Variants in EPHA3 observed in about 807,000 individuals in gnomAD.
EPHA3 encodes ephrin type-A receptor 3.
EPHA3 carries 42 observed loss-of-function variants against 107.1 expected under a neutral mutation model. The observed-to-expected ratio is 0.39, with a 90% CI of 0.31 to 0.51. The LOEUF (loss-of-function observed/expected upper bound fraction) is 0.51, where lower values mean the gene tolerates loss of function less well. Among genes scored for constraint, EPHA3 ranks in the 20% least tolerant of loss-of-function variants. The probability of loss-of-function intolerance (pLI) is 0.78; values close to 1 mark genes in which losing one functional copy is unlikely to be tolerated. For missense variants in EPHA3, 1,183 were observed against 1,211.2 expected (o/e 0.98, Z 0.35); for synonymous variants, 461 against 424.8 (o/e 1.09, Z -1.05).
intron 3 of EPHA3, among the ~76,000 whole-genome samples, chr3:89,261,138 G>A (rs570487445): frequency 6.6e-6 from 1 of 152,316 alleles, no homozygotes; most frequent in South Asian, 2.1e-4. Context: ...ATTAGACTCA[G>A]TCTTCAAGAG....
At chr3:89,344,568 G>C (rs947543758) in intron 5 of EPHA3, among the ~76,000 whole-genome samples, 1 of 152,132 alleles carries the variant, frequency 6.6e-6, no homozygotes, top group African/African-American at 2.4e-5. Flanking sequence ...TTTCTGAAGG[G>C]AGTGTTTCTT....
intron 3 of EPHA3, among the ~76,000 whole-genome samples, chr3:89,314,409 C>A (rs1159272616): frequency 6.6e-6 from 1 of 151,650 alleles, no homozygotes; most frequent in South Asian, 2.1e-4. Context: ...AAACAAAGAT[C>A]TTTAATAGTG....
chr3:89,369,764 A>G (rs1478840220), intron 5 of EPHA3, among the ~76,000 whole-genome samples: 2 of 149,010 alleles, frequency 1.3e-5, no homozygotes, highest in East Asian at 3.9e-4. Context: ...TCATCTGACA[A>G]AGGGCTAATA....
chr3:89,254,815 G>A (rs1365626736), intron 3 of EPHA3, among the ~76,000 whole-genome samples: 2 of 152,208 alleles, frequency 1.3e-5, no homozygotes, highest in African/African-American at 4.8e-5. Context: ...AGAGCTGGAA[G>A]CTTCAGTGCC....
chr3:89,320,160 A>G (rs909657978), intron 3 of EPHA3, among the ~76,000 whole-genome samples: 1 of 152,018 alleles, frequency 6.6e-6, no homozygotes, highest in African/African-American at 2.4e-5. Flanking sequence ...GAAGAAAGAT[A>G]TACATACTTG....
At chr3:89,297,230 C>T (rs1223098729) in intron 3 of EPHA3, among the ~76,000 whole-genome samples, 11 of 152,106 alleles carry the variant, frequency 7.2e-5, no homozygotes, top group Non-Finnish European at 1.6e-4. Flanking sequence ...CATTAAGAGG[C>T]CTATCTTTTA....
chr3:89,130,395 A>C (rs1704180609), intron 2 of EPHA3, among the ~76,000 whole-genome samples: 1 of 152,190 alleles, frequency 6.6e-6, no homozygotes, highest in Non-Finnish European at 1.5e-5. Context: ...TTGAAATATA[A>C]ATTTTAAAAA....
intron 5 of EPHA3, among the ~76,000 whole-genome samples, chr3:89,389,279 GA>G (rs1349860343): frequency 6.6e-6 from 1 of 152,124 alleles, no homozygotes; most frequent in African/African-American, 2.4e-5. Flanking sequence ...GTTCACTTCT[GA>G]AAAAACTGAG....
chr3:89,433,883 C>T (rs958780193), intron 13 of EPHA3, among the ~76,000 whole-genome samples: 2 of 152,106 alleles, frequency 1.3e-5, no homozygotes, highest in Non-Finnish European at 1.5e-5. Flanking sequence ...GTATCTGCAA[C>T]AAAGCATCAT....
At chr3:89,228,272 A>G (rs1423444699) in intron 3 of EPHA3, among the ~76,000 whole-genome samples, 1 of 151,970 alleles carries the variant, frequency 6.6e-6, no homozygotes, top group African/African-American at 2.4e-5. Context: ...GTTCTACAAA[A>G]GCAGAAAAGA....
At chr3:89,212,670 G>A (rs1704131493) in intron 3 of EPHA3, among the ~76,000 whole-genome samples, 1 of 151,764 alleles carries the variant, frequency 6.6e-6, no homozygotes, top group Admixed American at 6.6e-5. Flanking sequence ...GGGGAGAGAT[G>A]AGGACGCTAA....
At chr3:89,113,390 G>C (rs1162341397) in intron 1 of EPHA3, among the ~76,000 whole-genome samples, 2 of 144,204 alleles carry the variant, frequency 1.4e-5, no homozygotes, top group East Asian at 4.2e-4. Context: ...CAGCTGCTTG[G>C]TATCAGGTAG....
At chr3:89,207,304 G>T (rs563177792) in intron 2 of EPHA3, among the ~76,000 whole-genome samples, 47 of 152,116 alleles carry the variant, frequency 3.1e-4, no homozygotes, top group African/African-American at 1.0e-3. Flanking sequence ...TTTAAAGATG[G>T]CAACAATAAA....
At chr3:89,459,194 A>C (rs2107563971) in intron 15 of EPHA3, among the ~76,000 whole-genome samples, 1 of 152,248 alleles carries the variant, frequency 6.6e-6, no homozygotes, top group East Asian at 1.9e-4. Context: ...TTAAGGTAAA[A>C]TTTTAAAAAA....
chr3:89,235,032 TC>T (rs1704724827), intron 3 of EPHA3, among the ~76,000 whole-genome samples: 1 of 80,016 alleles, frequency 1.2e-5, no homozygotes, highest in Non-Finnish European at 2.4e-5. Context: ...CTTCCCTCCC[TC>T]CCTCCCTCCC....
chr3:89,325,607 A>G (rs1041290654), intron 3 of EPHA3, among the ~76,000 whole-genome samples: 3 of 151,984 alleles, frequency 2.0e-5, no homozygotes, highest in Non-Finnish European at 2.9e-5. Flanking sequence ...TTTACCTTTC[A>G]TTTACTCTCC....
At chr3:89,312,522 A>G (rs957045608) in intron 3 of EPHA3, among the ~76,000 whole-genome samples, 113 of 151,668 alleles carry the variant, frequency 7.5e-4, no homozygotes, top group African/African-American at 2.6e-3. Context: ...TGATATATTT[A>G]TAAGTATTAT....
intron 1 of EPHA3, among the ~76,000 whole-genome samples, chr3:89,109,730 C>T (rs1483154369): frequency 6.6e-6 from 1 of 151,910 alleles, no homozygotes; most frequent in Non-Finnish European, 1.5e-5. Flanking sequence ...TATAATTATA[C>T]AGACAGGTAC....
rs73139144 is a variant in EPHA3 at position 89,480,027 on chromosome 3, G to A, written c.*525G>A. 0.2 allele frequency: 45,582 copies of A among 232,820 alleles called. 5,338 individuals carry two copies. The highest frequency in any genetic ancestry group is 0.25 in the Non-Finnish European group (29,315 of 117,698). 14.4% of individuals were successfully genotyped at this position (232,820 alleles called of 1,614,324 possible). A position where few individuals can be genotyped will look rare whatever the true frequency, so the allele number is the denominator to read the frequency against. On this transcript the variant is annotated 3_prime_UTR_variant, in exon 17 of 17. Transcript: ENST00000336596. ...CATTATTCTCTTTTATCTGTTTAAA[G>A]CATATAGAGATGAAGTTTGTAGTTG...
Sources: gnomAD v4.1 joint callset for allele counts (sites outside exome capture counted in the v4.1 genomes callset) on GRCh38, gnomAD v4.1.1 for gene constraint, MANE v1.5 for transcripts, NCBI Gene and HGNC (gene_info 2026-07-23, HGNC 2026-07-21) for gene names.